PRAG1: variants seen among roughly 807,000 people sequenced by gnomAD.
The protein encoded by PRAG1 is inactive tyrosine-protein kinase PRAG1.
Under a neutral mutation model 95.6 loss-of-function variants are expected in PRAG1, and 110 were observed. The observed-to-expected ratio is 1.15, with a 90% CI of 0.99 to 1.35. PRAG1 has a LOEUF of 1.35. Ranked by LOEUF, PRAG1 falls within the 40% of genes most tolerant of loss-of-function variation. The pLI is 0.00. For synonymous variants in PRAG1, 1,052 were observed against 819.4 expected, an observed-to-expected ratio of 1.28 and a Z score of -4.85; for missense variants, 2,554 against 1,864.7, an observed-to-expected ratio of 1.37 and a Z score of -6.81.
intron 3 of PRAG1, among the ~76,000 whole-genome samples, chr8:8,349,365 C>A (rs187107063): frequency 7.0e-4 from 107 of 152,226 alleles, no homozygotes; most frequent in African/African-American, 2.4e-3. Context: ...ACTGCAAGAT[C>A]TGCCTCCCGG....
At chr8:8,331,922 T>C (rs2980497) in intron 4 of PRAG1, among the ~76,000 whole-genome samples, 111,599 of 152,080 alleles carry the variant, frequency 0.73, 42,063 homozygotes, top group East Asian at 0.9. Context: ...AATTAGCACA[T>C]GCACTGATTA....
At chr8:8,321,000 C>G (rs1389188572) in intron 5 of PRAG1, among the ~76,000 whole-genome samples, 1 of 152,196 alleles carries the variant, frequency 6.6e-6, no homozygotes, top group Non-Finnish European at 1.5e-5. Context: ...GACATTTACC[C>G]CAGACATTGC....
chr8:8,377,299 C>G lies in PRAG1; in HGVS notation c.1110G>C (p.Lys370Asn). 6.2e-7 allele frequency: 1 copy of G among 1,612,750 alleles called. No homozygotes were observed. The highest frequency in any genetic ancestry group is 8.5e-7 in the Non-Finnish European group (1 of 1,179,930). Reference protein sequence around the residue: ...HLESDYCSLMKEPAPEKQQDP... With the variant: ...HLESDYCSLMNEPAPEKQQDP... ...CCTGCTGCTTCTCTGGGGCAGGTTC[C>G]TTCATGAGGGAGCAGTAATCACTCT... Residue 370 changes from lysine to asparagine, a missense_variant, in exon 3 of 6, where the codon AAG becomes AAC. Lys to Asn is a moderately conservative substitution (Grantham distance 94, BLOSUM62 0). Coordinates refer to ENST00000615670, the MANE Select transcript of PRAG1 (RefSeq NM_001080826.3).
At chr8:8,369,019 C>G (rs1800105615) in intron 3 of PRAG1, among the ~76,000 whole-genome samples, 1 of 151,948 alleles carries the variant, frequency 6.6e-6, no homozygotes, top group African/African-American at 2.4e-5. Context: ...GCATTGTGCC[C>G]ACATGGTGTT....
chr8:8,336,390 C>T (rs751593205), intron 4 of PRAG1, among the ~76,000 whole-genome samples: 26 of 152,186 alleles, frequency 1.7e-4, no homozygotes, highest in Non-Finnish European at 2.6e-4. Flanking sequence ...AAACCTTCCC[C>T]TTGGCAGCCT....
At chr8:8,349,269 T>A (rs774357939) in intron 3 of PRAG1, among the ~76,000 whole-genome samples, 3 of 144,672 alleles carry the variant, frequency 2.1e-5, no homozygotes, top group African/African-American at 2.8e-5. Flanking sequence ...TATCTATCTA[T>A]TTATTTATTT....
rs763990032 is a variant in PRAG1, at chr8:8,377,603, G to A, written c.806C>T (p.Ala269Val). The A allele has an allele frequency of 6.2e-7, 1 of 1,612,896 alleles. No homozygotes were observed. Among genetic ancestry groups the A allele is most frequent in the Non-Finnish European group, 8.5e-7 (1 of 1,179,862 alleles). Reference sequence around the variant, plus strand: ...GCCCCGGGAACCTGCAGTCTGGGAGGCAGCCTTGGCAACAGGGCTCCCAGG... The same window carrying A: ...GCCCCGGGAACCTGCAGTCTGGGAGACAGCCTTGGCAACAGGGCTCCCAGG... ...CCPGSPVAKA[A>V]SQTAGSRGRH... is the part of the protein sequence containing the mutation. The change falls in exon 3 of 6, where the codon GCC becomes GTC. Residue 269 changes from alanine to valine, a missense_variant. Ala to Val is a moderately conservative substitution (Grantham distance 64). Coordinates refer to ENST00000615670, the MANE Select transcript of PRAG1 (RefSeq NM_001080826.3).
chr8:8,349,023 G>C (rs1799433069), intron 3 of PRAG1, among the ~76,000 whole-genome samples: 1 of 152,116 alleles, frequency 6.6e-6, no homozygotes, highest in African/African-American at 2.4e-5. Context: ...ACTTGCAAAA[G>C]GCAGGAACAC....
chr8:8,319,021 G>A lies in PRAG1; in HGVS notation c.3354C>T (p.Tyr1118=), dbSNP rs747353712. The A allele has an allele frequency of 1.9e-6, 3 of 1,613,294 alleles. No individual in the cohort carries two copies. Among genetic ancestry groups the A allele is most frequent in the African/African-American group, 1.3e-5 (1 of 75,012 alleles). ...GAAGCAGGAAGCACACGCGCCGCTC[G>A]TACGCCTCGGGCTCCGCCTGGTGGC... ...AASHQAEPEA[Y]ERRVCFLLLQ... The change falls in exon 6 of 6, where the codon TAC becomes TAT. Residue 1118 remains tyrosine (Y), a synonymous_variant. Transcript: ENST00000615670.
At chr8:8,352,303 G>A (rs1051509550) in intron 3 of PRAG1, among the ~76,000 whole-genome samples, 3 of 152,180 alleles carry the variant, frequency 2.0e-5, no homozygotes, top group African/African-American at 7.2e-5. Flanking sequence ...AACAGGTCCA[G>A]CTCTCTGTCT....
At chr8:8,358,581 C>A (rs1181049286) in intron 3 of PRAG1, among the ~76,000 whole-genome samples, 1 of 152,192 alleles carries the variant, frequency 6.6e-6, no homozygotes, top group African/African-American at 2.4e-5. Context: ...CAAAAAGACA[C>A]ATCATTTCTG....
intron 3 of PRAG1, chr8:8,374,689 G>A (rs1335489436): frequency 3.6e-5 from 35 of 985,240 alleles, no homozygotes; most frequent in East Asian, 1.1e-4. Flanking sequence ...GACTACACGC[G>A]GCTGCCAAAG....
Position 8,381,307 on chromosome 8 carries a change from C to T in PRAG1, c.330+111G>A, listed in dbSNP as rs1473501020. 7 of 1,046,468 alleles carry T rather than the reference C, an allele frequency of 6.7e-6. No homozygotes were observed. In the Admixed American group the frequency reaches 1.5e-4, roughly 23 times the overall value. The allele number at this position is 1,046,468 out of a possible 1,614,324, so 64.8% of individuals were successfully genotyped here. A position where few individuals can be genotyped will look rare whatever the true frequency, so the allele number is the denominator to read the frequency against. ...CATCTCAGGGCAAACTGACAGGAAG[C>T]TATCCTGCAGGTTTCTTGCTGGAAC... On this transcript the variant is annotated intron_variant, in intron 2 of 5. Coordinates refer to ENST00000615670, the MANE Select transcript of PRAG1 (RefSeq NM_001080826.3).
intron 5 of PRAG1, among the ~76,000 whole-genome samples, chr8:8,319,567 T>C (rs1178986539): frequency 1.3e-5 from 2 of 152,198 alleles, no homozygotes; most frequent in Admixed American, 1.3e-4. Flanking sequence ...TTCTAAACTT[T>C]TGTGCTTCAA....
chr8:8,355,976 A>G (rs1799667784), intron 3 of PRAG1, among the ~76,000 whole-genome samples: 1 of 152,250 alleles, frequency 6.6e-6, no homozygotes, highest in Non-Finnish European at 1.5e-5. Flanking sequence ...CAATCAACAA[A>G]ATGAAAAGGC....
intron 4 of PRAG1, among the ~76,000 whole-genome samples, chr8:8,337,551 G>A (rs1054759753): frequency 3.3e-5 from 5 of 152,128 alleles, no homozygotes; most frequent in South Asian, 2.1e-4. Flanking sequence ...ACATGGTTCC[G>A]GGTACAGAGA....
At chr8:8,336,569 G>T (rs1798989883) in intron 4 of PRAG1, among the ~76,000 whole-genome samples, 1 of 152,192 alleles carries the variant, frequency 6.6e-6, no homozygotes, top group Non-Finnish European at 1.5e-5. Context: ...CAAGTATAAA[G>T]AGGTGAAATT....
chr8:8,378,338 T>C (rs893567360), intron 2 of PRAG1, among the ~76,000 whole-genome samples: 2 of 152,188 alleles, frequency 1.3e-5, no homozygotes, highest in African/African-American at 4.8e-5. Context: ...GTAATGCTTT[T>C]GGCTTAAGTC....
At chr8:8,378,822 C>T (rs1394855288) in intron 2 of PRAG1, among the ~76,000 whole-genome samples, 6 of 151,394 alleles carry the variant, frequency 4.0e-5, no homozygotes, top group Non-Finnish European at 7.4e-5. Flanking sequence ...ATCACACCAC[C>T]ACACTCCAGC....
Sources: gnomAD v4.1 joint callset for allele counts (sites outside exome capture counted in the v4.1 genomes callset) on GRCh38, gnomAD v4.1.1 for gene constraint, MANE v1.5 for transcripts, NCBI Gene and HGNC (gene_info 2026-07-23, HGNC 2026-07-21) for gene names.